The following S100Z variants were observed in gnomAD, a reference collection of about 807,000 sequenced individuals.
S100Z encodes protein S100-Z.
A neutral mutation model predicts 8.5 loss-of-function variants in S100Z; 11 were observed. The observed-to-expected ratio is 1.30, with a 90% CI of 0.82 to 2.15. The LOEUF is 2.15. S100Z is among the 30% of genes most tolerant of loss of function. The pLI is 0.00. For missense variants in S100Z, 126 were observed against 117.9 expected (o/e 1.07, Z -0.32); for synonymous variants, 34 against 43.8 (o/e 0.78, Z 0.89).
At chr5:76,903,584 A>G (rs1337987830) in intron 4 of S100Z, among the ~76,000 whole-genome samples, 1 of 152,172 alleles carries the variant, frequency 6.6e-6, no homozygotes, top group African/African-American at 2.4e-5. Context: ...GCTGGGTAGT[A>G]TGGTATCATT....
rs560881564 is a variant in S100Z, at chr5:76,903,059, G to T, written c.*3-17658G>T. On this transcript the variant is annotated intron_variant, in intron 4 of 4. Coordinates refer to ENST00000317593, the MANE Select transcript of S100Z (RefSeq NM_130772.4). ...AAATTAGCCAGACATGATGGCGGGT[G>T]CCAGTGATCCCAGCTACTCAGGAGG... Among the ~76,000 whole-genome samples, 15 of 152,260 alleles carry T rather than the reference G, an allele frequency of 9.9e-5. 2 individuals carry two copies. In the South Asian group the frequency reaches 3.1e-3, roughly 32 times the overall value.
At chr5:76,943,186 G>T in the S100Z span, among the ~76,000 whole-genome samples, 2 of 152,074 alleles carry the variant, frequency 1.3e-5, no homozygotes, top group African/African-American at 2.4e-5. Flanking sequence ...TCACACATCT[G>T]GTACCCAGAC....
At position 76,882,409 on chromosome 5, in the gene S100Z, G is replaced by T. The variant is rs372659997; in HGVS notation, c.*2+4575G>T. Among the ~76,000 whole-genome samples the T allele has an allele frequency of 2.0e-5, 3 of 152,312 alleles. No individual in the cohort carries two copies. In the East Asian group the frequency reaches 5.8e-4, roughly 29 times the overall value. ...TGAAAAAGGATTGGGATGAGTTAGG[G>T]AGAGCTAGTGTGGGGGCAGCTTCTA... On this transcript the variant is annotated intron_variant, in intron 4 of 4. Coordinates refer to ENST00000317593, the MANE Select transcript of S100Z (RefSeq NM_130772.4).
intron 4 of S100Z, among the ~76,000 whole-genome samples, chr5:76,917,638 C>A (rs956447260): frequency 6.6e-6 from 1 of 152,174 alleles, no homozygotes; most frequent in Non-Finnish European, 1.5e-5. Flanking sequence ...GCCTGGCCAA[C>A]ATGGCGAAAC....
chr5:76,936,822 G>A, the S100Z span, among the ~76,000 whole-genome samples: 1 of 152,116 alleles, frequency 6.6e-6, no homozygotes, highest in Non-Finnish European at 1.5e-5. Context: ...GATGGAGATG[G>A]GAAGAGGGAA....
intron 4 of S100Z, among the ~76,000 whole-genome samples, chr5:76,891,679 A>T (rs894696112): frequency 2.0e-5 from 3 of 152,178 alleles, no homozygotes; most frequent in Non-Finnish European, 4.4e-5. Flanking sequence ...GTTTGGAAAC[A>T]CTGGCACCTG....
At chr5:76,951,342 T>C in the S100Z span, among the ~76,000 whole-genome samples, 2 of 152,166 alleles carry the variant, frequency 1.3e-5, no homozygotes, top group Non-Finnish European at 2.9e-5. Context: ...CACATGTGCA[T>C]ATGCTTGTAA....
At chr5:76,924,172 A>G (rs1031881836), downstream of S100Z, among the ~76,000 whole-genome samples, 1 of 152,208 alleles carries the variant, frequency 6.6e-6, no homozygotes, top group Non-Finnish European at 1.5e-5. Context: ...ATTATTTGCT[A>G]GCCATGAACT....
intron 4 of S100Z, among the ~76,000 whole-genome samples, chr5:76,881,687 G>A (rs541095190): frequency 6.6e-6 from 1 of 152,312 alleles, no homozygotes; most frequent in African/African-American, 2.4e-5. Context: ...CTTGGTCCAA[G>A]AACCATTTGC....
At chr5:76,892,391 T>C (rs1208700232) in intron 4 of S100Z, among the ~76,000 whole-genome samples, 53 of 152,144 alleles carry the variant, frequency 3.5e-4, no homozygotes, top group Admixed American at 3.3e-3. Flanking sequence ...TCTCTTGACT[T>C]CTCCAGCTTT....
At chr5:76,860,226 C>T (rs1751017136) in intron 1 of S100Z, among the ~76,000 whole-genome samples, 1 of 152,086 alleles carries the variant, frequency 6.6e-6, no homozygotes, top group African/African-American at 2.4e-5. Context: ...TTGTGGCCAC[C>T]AAGCACCGAG....
intron 1 of S100Z, among the ~76,000 whole-genome samples, chr5:76,864,070 T>C (rs1326912150): frequency 6.6e-6 from 1 of 152,212 alleles, no homozygotes; most frequent in East Asian, 1.9e-4. Context: ...ATTAAAGAAT[T>C]TCTAAATCCT....
At chr5:76,852,972 AT>A (rs1465375055) in intron 1 of S100Z, among the ~76,000 whole-genome samples, 2 of 152,094 alleles carry the variant, frequency 1.3e-5, no homozygotes, top group Non-Finnish European at 2.9e-5. Flanking sequence ...CCAGAGCAAC[AT>A]TTTTCCCCTG....
intron 4 of S100Z, among the ~76,000 whole-genome samples, chr5:76,879,094 G>A (rs542414006): frequency 1.3e-5 from 2 of 152,252 alleles, no homozygotes; most frequent in African/African-American, 4.8e-5. Context: ...ACAAGCAGAA[G>A]GCTACTGGGA....
At chr5:76,862,846 T>G (rs1330986928) in intron 1 of S100Z, among the ~76,000 whole-genome samples, 1 of 152,022 alleles carries the variant, frequency 6.6e-6, no homozygotes, top group African/African-American at 2.4e-5. Flanking sequence ...AGCATTGCAA[T>G]AAAGGGGCTC....
intron 4 of S100Z, among the ~76,000 whole-genome samples, chr5:76,888,250 C>A (rs1743718277): frequency 1.4e-5 from 2 of 146,034 alleles, no homozygotes; most frequent in Admixed American, 1.4e-4. Flanking sequence ...GAGCAAGACT[C>A]CATCTCAAAA....
chr5:76,896,082 T>C (rs1485655264), intron 4 of S100Z, among the ~76,000 whole-genome samples: 1 of 152,090 alleles, frequency 6.6e-6, no homozygotes, highest in East Asian at 1.9e-4. Context: ...TATTTTATTA[T>C]TGACTATAGT....
chr5:76,880,241 T>A (rs186539320), intron 4 of S100Z, among the ~76,000 whole-genome samples: 21 of 152,324 alleles, frequency 1.4e-4, no homozygotes, highest in Admixed American at 1.4e-3. Context: ...TTTCACTTCT[T>A]TTGTGGATCT....
At chr5:76,942,270 C>G in the S100Z span, among the ~76,000 whole-genome samples, 1 of 151,886 alleles carries the variant, frequency 6.6e-6, no homozygotes, top group African/African-American at 2.4e-5. Context: ...CGCCACCATG[C>G]CTGGCTAATT....
Sources: gnomAD v4.1 joint callset for allele counts (sites outside exome capture counted in the v4.1 genomes callset) on GRCh38, gnomAD v4.1.1 for gene constraint, MANE v1.5 for transcripts, NCBI Gene and HGNC (gene_info 2026-07-23, HGNC 2026-07-21) for gene names.